Variants in ZMYM4 observed in about 807,000 individuals in gnomAD.
ZMYM4 encodes zinc finger MYM-type protein 4.
Under a neutral mutation model 183.2 loss-of-function variants are expected in ZMYM4, and 31 were observed. The observed-to-expected ratio is 0.17, with a 90% CI of 0.13 to 0.23. The LOEUF is 0.23. Among genes scored for constraint, ZMYM4 ranks in the 10% least tolerant of loss-of-function variants. ZMYM4 has a pLI of 1.00. For missense variants in ZMYM4, 1,273 were observed against 1,840.3 expected, an observed-to-expected ratio of 0.69 and a Z score of 5.64; for synonymous variants, 592 against 631.2, an observed-to-expected ratio of 0.94 and a Z score of 0.93.
At chr1:35,358,838 A>AT (rs2148903474) in intron 2 of ZMYM4, 87 bp from the exon 3 acceptor site, 1 of 1,157,408 alleles carries the variant, frequency 8.6e-7, no homozygotes, top group Admixed American at 2.3e-5. Flanking sequence ...TTGAAAAAAT[A>AT]TTTATTTGGT....
chr1:35,300,002 C>T (rs569732421), intron 1 of ZMYM4, among the ~76,000 whole-genome samples: 27 of 152,000 alleles, frequency 1.8e-4, no homozygotes, highest in African/African-American at 4.8e-4. Flanking sequence ...TCACAGTGTT[C>T]GCCAGGATGG....
chr1:35,373,624 ACCT>A (rs1271077165), intron 7 of ZMYM4, among the ~76,000 whole-genome samples: 1 of 143,528 alleles, frequency 7.0e-6, no homozygotes, highest in Non-Finnish European at 1.5e-5. Context: ...CAAACTCCTG[ACCT>A]CCTGATCCAC....
At chr1:35,380,988 T>A (rs989628100) in intron 7 of ZMYM4, among the ~76,000 whole-genome samples, 1 of 152,210 alleles carries the variant, frequency 6.6e-6, no homozygotes, top group Non-Finnish European at 1.5e-5. Flanking sequence ...TGAATGCTAA[T>A]CATTTGATGT....
At chr1:35,303,492 G>A (rs1489297088) in intron 1 of ZMYM4, among the ~76,000 whole-genome samples, 1 of 151,872 alleles carries the variant, frequency 6.6e-6, no homozygotes, top group African/African-American at 2.4e-5. Context: ...TGCAACCTCC[G>A]CCGTCTGGGT....
chr1:35,358,165 A>G (rs1274388644), intron 2 of ZMYM4, among the ~76,000 whole-genome samples: 1 of 152,106 alleles, frequency 6.6e-6, no homozygotes, highest in East Asian at 1.9e-4. Context: ...GTAGAAGCAA[A>G]CTAGGTAGAA....
chr1:35,358,675 C>T, intron 2 of ZMYM4: 1 of 367,510 alleles, frequency 2.7e-6, no homozygotes, highest in South Asian at 5.3e-5. Flanking sequence ...AGTTGGTGCT[C>T]TTTTCTCTAT....
In ZMYM4 at chr1:35,388,960, T is replaced by A; in HGVS notation, c.2314T>A (p.Cys772Ser). The A allele has an allele frequency of 6.2e-7, 1 of 1,614,090 alleles. No homozygotes were observed. The highest frequency in any genetic ancestry group is 8.5e-7 in the Non-Finnish European group (1 of 1,179,996). The change falls in exon 14 of 30, where the codon TGT (cysteine) becomes AGT (serine). Residue 772 changes from cysteine (C) to serine (S), a missense_variant. Transcript: ENST00000314607. Reference protein sequence around the residue: ...HDLAKRWGNHCKMCSYCLQTS... With the variant: ...HDLAKRWGNHSKMCSYCLQTS... Reference sequence around the variant, plus strand: ...CTTGGCAAAACGCTGGGGAAATCACTGTAAAATGTGCAGTTATTGTTTACA... The same window carrying A: ...CTTGGCAAAACGCTGGGGAAATCACAGTAAAATGTGCAGTTATTGTTTACA...
At position 35,292,953 on chromosome 1, in the gene ZMYM4, G is replaced by A. The variant is rs1286218401; in HGVS notation, c.39+23868G>A. Among the ~76,000 whole-genome samples, 5 of 151,822 alleles carry A rather than the reference G, an allele frequency of 3.3e-5. No individual in the cohort carries two copies. In the East Asian group the frequency reaches 7.7e-4, roughly 24 times the overall value. The stretch of plus-strand genomic sequence containing the variant: ...AACATGAGGGAGAAGGTGAAGTATT[G>A]TAGAGTAGGTACTGCTACCATAATA... On this transcript the variant is annotated intron_variant, in intron 1 of 29. Coordinates refer to ENST00000314607, the MANE Select transcript of ZMYM4 (RefSeq NM_005095.3).
intron 1 of ZMYM4, among the ~76,000 whole-genome samples, chr1:35,298,541 A>T (rs1209221608): frequency 1.3e-5 from 2 of 152,066 alleles, no homozygotes; most frequent in African/African-American, 2.4e-5. Context: ...TGCTTTCTGG[A>T]GTGCTGACAA....
At chr1:35,312,243 T>C (rs1007578455) in intron 1 of ZMYM4, among the ~76,000 whole-genome samples, 2 of 152,228 alleles carry the variant, frequency 1.3e-5, no homozygotes, top group African/African-American at 4.8e-5. Flanking sequence ...TTCTTGAATC[T>C]GCAGATATCT....
At chr1:35,410,051 G>A (rs183416531) in intron 26 of ZMYM4, among the ~76,000 whole-genome samples, 1 of 152,036 alleles carries the variant, frequency 6.6e-6, no homozygotes, top group Admixed American at 6.6e-5. Flanking sequence ...TTCCAATCAC[G>A]GCATCATATG....
At chr1:35,394,162 CTTTTTTTTTTTTTT>C (rs34277367) in intron 18 of ZMYM4, among the ~76,000 whole-genome samples, 51 of 68,432 alleles carry the variant, frequency 7.5e-4, no homozygotes, top group Non-Finnish European at 1.0e-3. Flanking sequence ...TCAGAGCTTT[CTTTTTTTTTTTTTT>C]TTTTTTTTTT....
At chr1:35,311,120 G>C (rs1278092754) in intron 1 of ZMYM4, among the ~76,000 whole-genome samples, 1 of 152,050 alleles carries the variant, frequency 6.6e-6, no homozygotes. Flanking sequence ...GTGTTTTTGA[G>C]AATGTCGTAA....
chr1:35,348,102 A>T (rs1643465916), intron 2 of ZMYM4, among the ~76,000 whole-genome samples: 1 of 152,212 alleles, frequency 6.6e-6, no homozygotes, highest in Admixed American at 6.5e-5. Flanking sequence ...TTGTTCTCAT[A>T]TTGAAAAACA....
At chr1:35,351,093 A>T in intron 2 of ZMYM4, 1 of 858,142 alleles carries the variant, frequency 1.2e-6, no homozygotes, top group Non-Finnish European at 2.0e-6. Flanking sequence ...AGTGGAGGTG[A>T]CTGGTGGTAA....
At chr1:35,379,485 C>A (rs144050896) in intron 7 of ZMYM4, among the ~76,000 whole-genome samples, 1 of 152,368 alleles carries the variant, frequency 6.6e-6, no homozygotes, top group Non-Finnish European at 1.5e-5. Flanking sequence ...ATCCGCCCGC[C>A]TCGGCCTTCC....
chr1:35,375,733 T>C (rs1644320548), intron 7 of ZMYM4, among the ~76,000 whole-genome samples: 1 of 152,326 alleles, frequency 6.6e-6, no homozygotes, highest in African/African-American at 2.4e-5. Context: ...TTGGTTGCCA[T>C]TTAATTTTTA....
rs1015535605 is a variant in ZMYM4 at position 35,269,041 on chromosome 1, C to T, written c.-6C>T. The T allele has an allele frequency of 6.5e-7, 1 of 1,545,916 alleles. No homozygotes were observed. The highest frequency in any genetic ancestry group is 8.7e-7 in the Non-Finnish European group (1 of 1,145,352). On this transcript the variant is annotated 5_prime_UTR_variant, in exon 1 of 30. Transcript: ENST00000314607. The stretch of plus-strand genomic sequence containing the variant: ...GGAGCCGCAGCGGTTCCGAGCGGGG[C>T]CCAACATGGCGGAGAGAGAGGTGGA...
chr1:35,282,803 G>T (rs1305521476), intron 1 of ZMYM4, among the ~76,000 whole-genome samples: 1 of 151,704 alleles, frequency 6.6e-6, no homozygotes, highest in Non-Finnish European at 1.5e-5. Context: ...CGATGCACCT[G>T]CCTTGGCATC....
Sources: allele counts gnomAD v4.1 joint callset (sites outside exome capture counted in the v4.1 genomes callset), GRCh38; gene constraint gnomAD v4.1.1; transcripts MANE v1.5; gene names NCBI Gene and HGNC (gene_info 2026-07-23, HGNC 2026-07-21).